The following DPP10 variants were observed in gnomAD, a reference collection of about 807,000 sequenced individuals.
The protein encoded by DPP10 is dipeptidyl peptidase like 10, also known as inactive dipeptidyl peptidase 10.
A neutral mutation model predicts 120.9 loss-of-function variants in DPP10; 33 were observed. That is an observed-to-expected ratio of 0.27 (90% confidence interval 0.21 to 0.37). DPP10 has a LOEUF of 0.37. Among genes scored for constraint, DPP10 ranks in the 10% least tolerant of loss-of-function variants. The pLI is 1.00. For synonymous variants in DPP10, 337 were observed against 326.1 expected (o/e 1.03, Z -0.36); for missense variants, 816 against 942.8 (o/e 0.87, Z 1.76).
At chr2:114,827,522 TA>T (rs1359480784) in intron 1 of DPP10, among the ~76,000 whole-genome samples, 1 of 152,190 alleles carries the variant, frequency 6.6e-6, no homozygotes, top group Non-Finnish European at 1.5e-5. Context: ...TGTCTATATC[TA>T]GTAAATATGG....
intron 5 of DPP10, among the ~76,000 whole-genome samples, chr2:115,592,135 A>G (rs2082700480): frequency 6.6e-6 from 1 of 152,164 alleles, no homozygotes; most frequent in African/African-American, 2.4e-5. Flanking sequence ...GTACAAATTT[A>G]TTTAATGTGT....
chr2:115,042,513 G>A (rs947145515), intron 1 of DPP10, among the ~76,000 whole-genome samples: 4 of 152,176 alleles, frequency 2.6e-5, no homozygotes, highest in African/African-American at 7.2e-5. Flanking sequence ...TGCTCCACCC[G>A]CCTCAGCCTC....
At chr2:115,004,311 A>C (rs1701653316) in intron 1 of DPP10, among the ~76,000 whole-genome samples, 1 of 152,118 alleles carries the variant, frequency 6.6e-6, no homozygotes, top group East Asian at 1.9e-4. Flanking sequence ...AGCTAGAAGA[A>C]AATAATTTAA....
intron 1 of DPP10, among the ~76,000 whole-genome samples, chr2:114,690,297 A>G (rs557109771): frequency 2.0e-5 from 3 of 152,006 alleles, no homozygotes; most frequent in Non-Finnish European, 4.4e-5. Context: ...AGTTTTCTGC[A>G]TATCGCTAGC....
At chr2:115,748,923 T>A (rs1678355958) in intron 10 of DPP10, among the ~76,000 whole-genome samples, 1 of 152,308 alleles carries the variant, frequency 6.6e-6, no homozygotes, top group South Asian at 2.1e-4. Flanking sequence ...ATTTAGACAA[T>A]GAGTGCAACT....
At chr2:115,325,288 G>A (rs2062293335) in intron 2 of DPP10, among the ~76,000 whole-genome samples, 1 of 151,988 alleles carries the variant, frequency 6.6e-6, no homozygotes, top group Admixed American at 6.6e-5. Flanking sequence ...AAATTTATCT[G>A]GTTATCCACT....
chr2:115,597,725 G>A (rs2083075469), intron 5 of DPP10, among the ~76,000 whole-genome samples: 1 of 151,904 alleles, frequency 6.6e-6, no homozygotes, highest in Admixed American at 6.6e-5. Context: ...CTGGATTTCA[G>A]CTGGGACAAA....
chr2:114,454,419 G>A (rs1040745665), intron 1 of DPP10, among the ~76,000 whole-genome samples: 2 of 152,142 alleles, frequency 1.3e-5, no homozygotes, highest in Admixed American at 6.5e-5. Context: ...CACCCAGACT[G>A]TAAGAGGTGG....
At chr2:115,218,104 A>C (rs2056936246) in intron 1 of DPP10, among the ~76,000 whole-genome samples, 1 of 152,190 alleles carries the variant, frequency 6.6e-6, no homozygotes, top group African/African-American at 2.4e-5. Context: ...TTCAGTAAAC[A>C]TGTGTTAAGC....
At chr2:114,767,103 G>GAAA (rs35500978) in intron 1 of DPP10, among the ~76,000 whole-genome samples, 7 of 48,072 alleles carry the variant, frequency 1.5e-4, no homozygotes, top group East Asian at 7.2e-4. Context: ...ATCAAAACTA[G>GAAA]AAAAAAAAAA....
chr2:114,910,756 T>G (rs986753754), intron 1 of DPP10, among the ~76,000 whole-genome samples: 11 of 152,106 alleles, frequency 7.2e-5, no homozygotes, highest in African/African-American at 1.9e-4. Context: ...TATCTATCCT[T>G]TAAAATAAAA....
chr2:115,444,557 A>G lies in DPP10; in HGVS notation c.272-54953A>G, dbSNP rs185322363. Among the ~76,000 whole-genome samples, 80 of 152,274 alleles carry G rather than the reference A, an allele frequency of 5.3e-4. 2 individuals carry two copies. In the East Asian group the frequency reaches 0.014, roughly 27 times the overall value. Reference sequence around the variant, plus strand: ...GTAGTTACTCATCTATTATATTTCAAAAGTGTTTCTGAATCCATGGTTATG... The same window carrying G: ...GTAGTTACTCATCTATTATATTTCAGAAGTGTTTCTGAATCCATGGTTATG... On this transcript the variant is annotated intron_variant, in intron 3 of 25. Transcript: ENST00000410059.
intron 1 of DPP10, among the ~76,000 whole-genome samples, chr2:114,510,853 T>G (rs1200841510): frequency 1.3e-5 from 2 of 152,222 alleles, no homozygotes; most frequent in African/African-American, 4.8e-5. Context: ...GAAGTGACAA[T>G]TGTACACTCA....
intron 11 of DPP10, among the ~76,000 whole-genome samples, chr2:115,761,781 A>G (rs1461975989): frequency 2.0e-5 from 3 of 152,152 alleles, no homozygotes; most frequent in Non-Finnish European, 2.9e-5. Context: ...ATTTAAAAAC[A>G]TATAAATAAT....
intron 1 of DPP10, among the ~76,000 whole-genome samples, chr2:114,466,438 A>C (rs893419462): frequency 1.7e-4 from 26 of 152,204 alleles, no homozygotes; most frequent in African/African-American, 6.3e-4. Flanking sequence ...TTTATTACAC[A>C]ATAGTTGTGA....
intron 5 of DPP10, among the ~76,000 whole-genome samples, chr2:115,668,992 T>C (rs1031355714): frequency 6.6e-6 from 1 of 152,012 alleles, no homozygotes; most frequent in Admixed American, 6.6e-5. Flanking sequence ...TCCCTTAGGA[T>C]TTTTTTTCTT....
intron 1 of DPP10, among the ~76,000 whole-genome samples, chr2:114,948,681 A>T (rs1158436505): frequency 6.6e-6 from 1 of 152,126 alleles, no homozygotes; most frequent in Non-Finnish European, 1.5e-5. Flanking sequence ...TTTTGTTACT[A>T]TCTTGTCAAG....
intron 1 of DPP10, among the ~76,000 whole-genome samples, chr2:114,574,172 T>G (rs1031488700): frequency 6.6e-5 from 10 of 152,110 alleles, no homozygotes; most frequent in Admixed American, 6.6e-4. Context: ...TTTTACCACT[T>G]TATATTACCC....
chr2:115,650,609 G>A (rs1463083600), intron 5 of DPP10, among the ~76,000 whole-genome samples: 1 of 151,926 alleles, frequency 6.6e-6, no homozygotes, highest in Non-Finnish European at 1.5e-5. Context: ...GACTGTTATT[G>A]TTTACAGATT....
Sources: allele counts gnomAD v4.1 joint callset (sites outside exome capture counted in the v4.1 genomes callset), GRCh38; gene constraint gnomAD v4.1.1; transcripts MANE v1.5; gene names NCBI Gene and HGNC (gene_info 2026-07-23, HGNC 2026-07-21).